The following FAM186B variants were observed in gnomAD, a reference collection of about 807,000 sequenced individuals.
FAM186B encodes the protein protein FAM186B.
In FAM186B, 68 loss-of-function variants were observed where a neutral mutation model predicts 83.4. That is an observed-to-expected ratio of 0.81 (90% CI 0.67 to 1.00). The LOEUF (loss-of-function observed/expected upper bound fraction) is 1.00. Ranked by LOEUF, FAM186B falls within the 50% of genes least tolerant of loss-of-function variation. The pLI is 0.00. For missense variants in FAM186B, 983 were observed against 1,099.2 expected, an observed-to-expected ratio of 0.89 and a Z score of 1.49; for synonymous variants, 389 against 422.0, an observed-to-expected ratio of 0.92 and a Z score of 0.96.
At chr12:49,593,963 G>C (rs1472222012) in intron 5 of FAM186B, 1 of 153,338 alleles carries the variant, frequency 6.5e-6, no homozygotes, top group Admixed American at 6.5e-5. Context: ...CTCATGAATT[G>C]AAAGAATAAA....
chr12:49,617,086 A>AG, the FAM186B span, among the ~76,000 whole-genome samples: 2 of 152,106 alleles, frequency 1.3e-5, no homozygotes, highest in African/African-American at 4.8e-5. Flanking sequence ...CTCTCACACG[A>AG]GCAGCTTGGT....
intron 5 of FAM186B, chr12:49,594,146 G>A (rs7965658): frequency 0.28 from 78,011 of 274,718 alleles, 15,409 homozygotes; most frequent in African/African-American, 0.68. Flanking sequence ...ATCTGTGGAG[G>A]ATGTCATGCA....
At chr12:49,584,614 G>C (rs1043323132), downstream of FAM186B, 5 of 702,352 alleles carry the variant, frequency 7.1e-6, no homozygotes, top group Non-Finnish European at 1.0e-5. Context: ...TCGCTGAGGC[G>C]CTGCAAGAGT....
chr12:49,607,603 GA>G (rs896681533), upstream of FAM186B, among the ~76,000 whole-genome samples: 20 of 151,478 alleles, frequency 1.3e-4, no homozygotes, highest in African/African-American at 4.6e-4. Flanking sequence ...AAACATTTAA[GA>G]AAAAAAAGAT....
chr12:49,604,028 C>T (rs1939955322), intron 2 of FAM186B: 1 of 438,076 alleles, frequency 2.3e-6, no homozygotes. Context: ...CCCAGGGGTG[C>T]TCTATAAAAT....
chr12:49,614,664 C>T, the FAM186B span, among the ~76,000 whole-genome samples: 3 of 152,104 alleles, frequency 2.0e-5, no homozygotes, highest in East Asian at 5.8e-4. Context: ...TCAATCATAC[C>T]CCCAACCACA....
rs368595730 is a variant in FAM186B, at chr12:49,601,058, G to A, written c.582C>T (p.Ser194=). The A allele has an allele frequency of 1.2e-6, 2 of 1,612,262 alleles. No homozygotes were observed. Among genetic ancestry groups the A allele is most frequent in the African/African-American group, 2.7e-5 (2 of 74,860 alleles). The change falls in exon 4 of 7, where the codon AGC becomes AGT. Residue 194 remains serine, a synonymous_variant. Coordinates refer to ENST00000257894, the MANE Select transcript of FAM186B (RefSeq NM_032130.3). The stretch of plus-strand genomic sequence containing the variant: ...GCTGGTCCTGGAGCATCTGTTCTGG[G>A]CTTAGTGGCTGAGGATGGGATGGAG... ...QTSPSHPQPL[S]PEQMLQDQHT...
chr12:49,617,977 C>T, the FAM186B span, among the ~76,000 whole-genome samples: 10 of 152,178 alleles, frequency 6.6e-5, no homozygotes, highest in Admixed American at 3.9e-4. Context: ...GGGCAATCTC[C>T]TCTGTCTGAC....
chr12:49,616,541 C>T, the FAM186B span, among the ~76,000 whole-genome samples: 1 of 152,080 alleles, frequency 6.6e-6, no homozygotes, highest in Non-Finnish European at 1.5e-5. Flanking sequence ...CTTCACATGA[C>T]AAAGGAATGA....
At chr12:49,596,227 T>G (rs1034489603) in intron 5 of FAM186B, among the ~76,000 whole-genome samples, 2 of 150,100 alleles carry the variant, frequency 1.3e-5, no homozygotes, top group Non-Finnish European at 2.9e-5. Flanking sequence ...AAGCCTTGTT[T>G]GCAGAATAAA....
the FAM186B span, among the ~76,000 whole-genome samples, chr12:49,616,720 G>T: frequency 6.6e-6 from 1 of 152,192 alleles, no homozygotes; most frequent in African/African-American, 2.4e-5. Context: ...AGGTCAGCAG[G>T]GAGGAGACTG....
At chr12:49,613,296 G>C in the FAM186B span, among the ~76,000 whole-genome samples, 1 of 152,164 alleles carries the variant, frequency 6.6e-6, no homozygotes, top group South Asian at 2.1e-4. Context: ...GGGAGGCCGA[G>C]GTGGGCAGAT....
At chr12:49,621,537 A>G in the FAM186B span, among the ~76,000 whole-genome samples, 1 of 152,246 alleles carries the variant, frequency 6.6e-6, no homozygotes, top group Non-Finnish European at 1.5e-5. Flanking sequence ...TGAAATGGAG[A>G]GAATTCTCTG....
chr12:49,612,567 G>T, the FAM186B span, among the ~76,000 whole-genome samples: 1 of 151,394 alleles, frequency 6.6e-6, no homozygotes, highest in African/African-American at 2.4e-5. Context: ...GCTATTGTTA[G>T]TGTTAGTGTA....
At chr12:49,593,243 G>C (rs1200995867) in intron 5 of FAM186B, 1 of 152,204 alleles carries the variant, frequency 6.6e-6, no homozygotes, top group African/African-American at 2.4e-5. Flanking sequence ...AACAGTGAAA[G>C]AGTGGAAGAA....
intron 5 of FAM186B, among the ~76,000 whole-genome samples, chr12:49,594,766 T>G (rs769942370): frequency 6.6e-6 from 1 of 152,146 alleles, no homozygotes; most frequent in Middle Eastern, 3.4e-3. Flanking sequence ...TCCCAGATAC[T>G]TGGGAGGCTG....
At chr12:49,613,505 C>T in the FAM186B span, among the ~76,000 whole-genome samples, 31 of 139,398 alleles carry the variant, frequency 2.2e-4, no homozygotes, top group African/African-American at 6.8e-4. Context: ...CCAGCCTGGG[C>T]GACAGAGCAA....
At chr12:49,607,027 T>C (rs1940037449), upstream of FAM186B, among the ~76,000 whole-genome samples, 1 of 152,042 alleles carries the variant, frequency 6.6e-6, no homozygotes, top group Non-Finnish European at 1.5e-5. Flanking sequence ...CATATAACCC[T>C]GAGTCAAAAA....
At chr12:49,619,061 A>G in the FAM186B span, among the ~76,000 whole-genome samples, 1 of 152,264 alleles carries the variant, frequency 6.6e-6, no homozygotes, top group Admixed American at 6.5e-5. Flanking sequence ...AGAAGCTAGA[A>G]GACCATGTAG....
Sources: allele counts gnomAD v4.1 joint callset (sites outside exome capture counted in the v4.1 genomes callset), GRCh38; gene constraint gnomAD v4.1.1; transcripts MANE v1.5; gene names NCBI Gene and HGNC (gene_info 2026-07-23, HGNC 2026-07-21).